The following PCNT variants were observed in gnomAD, a reference collection of about 807,000 sequenced individuals.
The protein encoded by PCNT is pericentrin.
In PCNT, 319 loss-of-function variants were observed where a neutral mutation model predicts 380.4. The observed-to-expected ratio is 0.84, with a 90% CI of 0.77 to 0.92. The LOEUF (loss-of-function observed/expected upper bound fraction) is 0.92. PCNT is among the 40% of genes least tolerant of loss of function. The pLI is 0.00. For synonymous variants in PCNT, 1,845 were observed against 1,735.2 expected (o/e 1.06, Z -1.57); for missense variants, 4,400 against 4,255.3 (o/e 1.03, Z -0.95).
At chr21:46,403,880 C>T (rs530748460) in intron 27 of PCNT, among the ~76,000 whole-genome samples, 2 of 135,970 alleles carry the variant, frequency 1.5e-5, no homozygotes, top group African/African-American at 2.8e-5. Context: ...GGCGTGTGCT[C>T]GGTGAATGAA....
In PCNT at chr21:46,367,220, G is replaced by C. The variant is rs114378780; in HGVS notation, c.3165+81G>C. On this transcript the variant is annotated intron_variant, in intron 15 of 46. Coordinates refer to ENST00000359568, the MANE Select transcript of PCNT (RefSeq NM_006031.6). The stretch of plus-strand genomic sequence containing the variant: ...TGTTTCCACCGCGTGTCACATGTCT[G>C]CGTGCGTGCTGTGTGTGCCTGTGCG... 2,173 of 1,219,832 alleles carry C rather than the reference G, an allele frequency of 1.8e-3. 30 individuals carry two copies. In the African/African-American group the frequency reaches 0.029, roughly 16 times the overall value. 75.6% of individuals were successfully genotyped at this position (1,219,832 alleles called of 1,614,324 possible). A position where few individuals can be genotyped will look rare whatever the true frequency, so the allele number is the denominator to read the frequency against.
At chr21:46,330,051 C>T (rs2083508285) in intron 2 of PCNT, among the ~76,000 whole-genome samples, 1 of 152,198 alleles carries the variant, frequency 6.6e-6, no homozygotes. Context: ...CACAGAATTC[C>T]TGACATTTTA....
At chr21:46,372,975 T>C (rs991125224) in intron 15 of PCNT, among the ~76,000 whole-genome samples, 3 of 152,268 alleles carry the variant, frequency 2.0e-5, no homozygotes, top group Non-Finnish European at 4.4e-5. Flanking sequence ...TGAAATCGTG[T>C]GTCACCTGTG....
rs1450352574 is a variant in PCNT, at chr21:46,431,528, G to C, written c.8065-1G>C. 3.7e-6 allele frequency: 6 copies of C among 1,613,920 alleles called. No individual in the cohort carries two copies. Among genetic ancestry groups the C allele is most frequent in the Non-Finnish European group, 4.2e-6 (5 of 1,179,956 alleles). On this transcript the variant is annotated splice_acceptor_variant, in intron 37 of 46. Coordinates refer to ENST00000359568, the MANE Select transcript of PCNT (RefSeq NM_006031.6). LOFTEE classifies it high-confidence loss of function. ...TCCCATCGTATGTGTTTGCTGTCTA[G>C]GAGCTGCGGGCGTCTTTGGAGACAC... is the stretch of plus-strand genomic sequence containing the variant.
intron 27 of PCNT, among the ~76,000 whole-genome samples, chr21:46,405,031 G>A (rs1159732496): frequency 6.6e-6 from 1 of 152,138 alleles, no homozygotes; most frequent in Admixed American, 6.5e-5. Context: ...TTGAGCCCAG[G>A]AATTCGAGAT....
chr21:46,328,899 G>A (rs1193797381), intron 2 of PCNT, among the ~76,000 whole-genome samples: 1 of 152,132 alleles, frequency 6.6e-6, no homozygotes, highest in Middle Eastern at 3.4e-3. Context: ...TCAGCCTCCC[G>A]AGTAGCTGGG....
intron 38 of PCNT, 22 bp from the exon 39 acceptor site, chr21:46,435,882 G>T (rs181142225): frequency 4.3e-6 from 7 of 1,613,944 alleles, no homozygotes; most frequent in Admixed American, 3.3e-5. Flanking sequence ...CGTCTTCTCT[G>T]TCTTTTTTCT....
chr21:46,342,319 C>G (rs2083931596), intron 3 of PCNT, among the ~76,000 whole-genome samples: 1 of 152,114 alleles, frequency 6.6e-6, no homozygotes. Flanking sequence ...GTCGCCCAGG[C>G]TGGTCTTGAA....
chr21:46,349,088 A>C lies in PCNT; in HGVS notation c.1109A>C (p.Gln370Pro). Residue 370 changes from glutamine to proline, a missense_variant, in exon 7 of 47, where the codon CAA becomes CCA. Coordinates refer to ENST00000359568, the MANE Select transcript of PCNT (RefSeq NM_006031.6). ...CGCAAAGAACTGTCTGCAAAGCATC[A>C]ATCAGAAATGGAGGATTTACAAAAC... The part of the protein sequence containing the change: ...NLRKELSAKH[Q>P]SEMEDLQNQF... The C allele has an allele frequency of 6.2e-7, 1 of 1,608,338 alleles. No homozygotes were observed.
chr21:46,432,252 A>G, intron 38 of PCNT, 37 bp downstream of exon 38: 2 of 1,564,382 alleles, frequency 1.3e-6, no homozygotes, highest in Non-Finnish European at 1.7e-6. Flanking sequence ...CCACACCTAA[A>G]AACGATAAGC....
Position 46,430,677 on chromosome 21 carries a change from AG to A in PCNT, c.8064+22del. ...CTGGAGGTAACAGGGTGTCAGGGCA[AG>A]GCAGCCGGCATGGGCTGTGTGCACT... On this transcript the variant is annotated intron_variant, in intron 37 of 46. Coordinates refer to ENST00000359568, the MANE Select transcript of PCNT (RefSeq NM_006031.6). 6.4e-7 allele frequency: 1 copy of A among 1,562,954 alleles called. No homozygotes were observed. Among genetic ancestry groups the A allele is most frequent in the Non-Finnish European group, 8.7e-7 (1 of 1,154,694 alleles).
In PCNT at chr21:46,416,560, C is replaced by G. The variant is rs762280190; in HGVS notation, c.6642C>G (p.Ser2214Arg). ...CTGCAGAGGCTGGGCCCCGGAAGAG[C>G]CCGGTCGGGATGCTGGACCTGTCTT... Reference protein sequence around the residue: ...SHTAEAGPRKSPVGMLDLSSW... With the variant: ...SHTAEAGPRKRPVGMLDLSSW... Residue 2214 changes from serine (S) to arginine (R), a missense_variant, in exon 30 of 47, where the codon AGC becomes AGG. Coordinates refer to ENST00000359568, the MANE Select transcript of PCNT (RefSeq NM_006031.6). 1.2e-6 allele frequency: 2 copies of G among 1,612,392 alleles called. No homozygotes were observed. The highest frequency in any genetic ancestry group is 1.7e-6 in the Non-Finnish European group (2 of 1,179,342).
chr21:46,324,327 C>T (rs1337160719), intron 1 of PCNT, 45 bp downstream of exon 1: 1 of 1,501,386 alleles, frequency 6.7e-7, no homozygotes, highest in Admixed American at 1.8e-5. Context: ...GCGTGAAGTC[C>T]TAAGGGCGGC....
chr21:46,373,077 G>A (rs2085206187), intron 15 of PCNT, among the ~76,000 whole-genome samples: 16 of 152,214 alleles, frequency 1.1e-4, no homozygotes, highest in Admixed American at 1.0e-3. Context: ...GCCGAAGGTA[G>A]TGATGCAACC....
Position 46,339,268 on chromosome 21 carries a change from G to A in PCNT, c.639+4500G>A, listed in dbSNP as rs569257407. On this transcript the variant is annotated intron_variant, in intron 3 of 46. Coordinates refer to ENST00000359568, the MANE Select transcript of PCNT (RefSeq NM_006031.6). ...GGCTGGCGTAGACATATAGTTGGCAGTTGGTGTCTTGCTTGCCGGTGGTTT... is the reference window on the plus strand; with the variant it reads ...GGCTGGCGTAGACATATAGTTGGCAATTGGTGTCTTGCTTGCCGGTGGTTT... 3.2e-4 allele frequency among the ~76,000 whole-genome samples: 49 copies of A among 152,318 alleles called. 1 individual carries two copies. In the South Asian group the frequency reaches 9.7e-3, roughly 30 times the overall value.
At chr21:46,331,359 GT>G (rs58029941) in intron 2 of PCNT, among the ~76,000 whole-genome samples, 18,712 of 151,892 alleles carry the variant, frequency 0.12, 3,358 homozygotes, top group African/African-American at 0.4. Flanking sequence ...TAAGATCTTA[GT>G]TTTTTTTCAG....
chr21:46,411,169 G>A lies in PCNT; in HGVS notation c.5116-20G>A. ...AAGTGGATACATTTAATTTGCCTCT[G>A]AAATGTCCTCTCTCTTCAGGTCATA... On this transcript the variant is annotated intron_variant, in intron 27 of 46. Coordinates refer to ENST00000359568, the MANE Select transcript of PCNT (RefSeq NM_006031.6). 1 of 1,612,104 alleles carries A rather than the reference G, an allele frequency of 6.2e-7. No homozygotes were observed. The highest frequency in any genetic ancestry group is 1.7e-4 in the Middle Eastern group (1 of 6,060).
intron 15 of PCNT, among the ~76,000 whole-genome samples, chr21:46,370,059 C>G (rs1025944332): frequency 1.3e-5 from 2 of 152,202 alleles, no homozygotes; most frequent in African/African-American, 4.8e-5. Flanking sequence ...GGTGCCTCCC[C>G]GGCTTCTCTG....
At chr21:46,396,494 C>G (rs536564411) in intron 21 of PCNT, among the ~76,000 whole-genome samples, 1 of 152,370 alleles carries the variant, frequency 6.6e-6, no homozygotes, top group South Asian at 2.1e-4. Flanking sequence ...GGAGCCCTTG[C>G]GGCCTCGTCA....
Sources: gnomAD v4.1 joint callset for allele counts (sites outside exome capture counted in the v4.1 genomes callset) on GRCh38, gnomAD v4.1.1 for gene constraint, MANE v1.5 for transcripts, NCBI Gene and HGNC (gene_info 2026-07-23, HGNC 2026-07-21) for gene names.